Variants in FGF13 observed in about 807,000 individuals in gnomAD.
FGF13 encodes the protein fibroblast growth factor homologous factor 2.
A neutral mutation model predicts 19.5 loss-of-function variants in FGF13; 2 were observed. The ratio of observed to expected loss-of-function variants is 0.10; its 90% confidence interval spans 0.04 to 0.32. The LOEUF is 0.32. Among genes scored for constraint, FGF13 ranks in the 10% least tolerant of loss-of-function variants. The probability of loss-of-function intolerance (pLI) is 1.00; values close to 1 mark genes in which losing one functional copy is unlikely to be tolerated. For synonymous variants in FGF13, 72 were observed against 76.9 expected, an observed-to-expected ratio of 0.94 and a Z score of 0.33; for missense variants, 113 against 192.7, an observed-to-expected ratio of 0.59 and a Z score of 2.45.
chrX:138,749,130 T>G (rs1213731820), intron 3 of FGF13, among the ~76,000 whole-genome samples: 1 of 110,962 alleles, frequency 9.0e-6, no homozygotes, highest in Non-Finnish European at 1.9e-5. Context: ...AGGAGGGATA[T>G]CTCACAGAAC....
At chrX:138,940,087 T>G (rs2091750574) in intron 1 of FGF13, among the ~76,000 whole-genome samples, 1 of 111,683 alleles carries the variant, frequency 9.0e-6, no homozygotes, top group African/African-American at 3.3e-5. Flanking sequence ...ATCTGTTATT[T>G]TTTTACTTTT....
At position 138,685,371 on chromosome X, in the gene FGF13, C is replaced by A. The variant is rs1032419129; in HGVS notation, c.402+17613G>T. On this transcript the variant is annotated intron_variant, in intron 3 of 4. Coordinates refer to ENST00000315930, the MANE Select transcript of FGF13 (RefSeq NM_004114.5). The stretch of plus-strand genomic sequence containing the variant: ...CCAATTAATGGTTTCTTGGCCAGCA[C>A]CCCTAACAAATAAAGGTACTTCATC... 4.5e-5 allele frequency among the ~76,000 whole-genome samples: 5 copies of A among 110,797 alleles called. No homozygotes were observed. In the Admixed American group the frequency reaches 4.8e-4, roughly 11 times the overall value.
chrX:139,119,887 G>T (rs1267210380), intron 1 of FGF13, among the ~76,000 whole-genome samples: 1 of 112,424 alleles, frequency 8.9e-6, no homozygotes, highest in African/African-American at 3.2e-5. Context: ...GAAGGCACTT[G>T]ACAAAGGTCC....
At chrX:138,659,226 T>C (rs375815271) in intron 3 of FGF13, among the ~76,000 whole-genome samples, 11 of 112,149 alleles carry the variant, frequency 9.8e-5, no homozygotes, top group African/African-American at 3.2e-4. Flanking sequence ...TCCCAGCTAC[T>C]CAAGAGGCTG....
At chrX:139,135,953 C>T (rs768589492) in intron 1 of FGF13, among the ~76,000 whole-genome samples, 99 of 111,771 alleles carry the variant, frequency 8.9e-4, no homozygotes, top group African/African-American at 2.8e-3. Context: ...TGAGTTAAAT[C>T]TAAAATTATT....
chrX:138,881,139 C>T (rs1383225030), intron 1 of FGF13, among the ~76,000 whole-genome samples: 1 of 111,621 alleles, frequency 9.0e-6, no homozygotes, highest in South Asian at 3.8e-4. Flanking sequence ...AAGTCTTTTA[C>T]CTCCTTTGTT....
At chrX:138,750,490 G>C (rs762754442) in intron 3 of FGF13, among the ~76,000 whole-genome samples, 13 of 110,565 alleles carry the variant, frequency 1.2e-4, no homozygotes, top group South Asian at 7.7e-4. Flanking sequence ...TTTGTAAATG[G>C]GGGGGTGGGC....
intron 1 of FGF13, among the ~76,000 whole-genome samples, chrX:139,186,975 C>A (rs762228593): frequency 5.3e-5 from 6 of 112,560 alleles, no homozygotes; most frequent in Admixed American, 1.9e-4. Flanking sequence ...GCACTGGTCA[C>A]ACTGTATTTG....
chrX:138,710,671 G>C, intron 1 of FGF13, 146 bp downstream of exon 1: 2 of 1,010,642 alleles, frequency 2.0e-6, no homozygotes, highest in South Asian at 5.0e-5. Flanking sequence ...GAAAGCCAGC[G>C]CCTTCCCACG....
rs752684189 is a variant in FGF13 at position 138,910,912 on chromosome X, C to T, written c.-112-46262G>A. Among the ~76,000 whole-genome samples the T allele has an allele frequency of 4.2e-4, 47 of 111,472 alleles. No homozygotes were observed. In the Admixed American group the frequency reaches 4.3e-3, roughly 10 times the overall value. ...ACTGTGAGGTAAGCAGGTTGTTTGG[C>T]TTTCCTAAACCTATTGGCCTCTATG... On this transcript the variant is annotated intron_variant, in intron 1 of 2. Coordinates refer to the FGF13 transcript ENST00000421460.
At chrX:138,983,604 T>C (rs1472576859) in intron 1 of FGF13, among the ~76,000 whole-genome samples, 2 of 108,815 alleles carry the variant, frequency 1.8e-5, no homozygotes, top group African/African-American at 3.3e-5. Flanking sequence ...GCAGCTGCTA[T>C]GGAAATCAGT....
chrX:138,771,494 T>C (rs999984819), intron 3 of FGF13, among the ~76,000 whole-genome samples: 1 of 111,683 alleles, frequency 9.0e-6, no homozygotes, highest in Non-Finnish European at 1.9e-5. Flanking sequence ...TGTTGTTGTT[T>C]CTCTGAAGTC....
At chrX:139,079,359 C>T (rs982176065) in intron 1 of FGF13, among the ~76,000 whole-genome samples, 5 of 109,425 alleles carry the variant, frequency 4.6e-5, no homozygotes, top group Non-Finnish European at 9.5e-5. Flanking sequence ...ATATGGAGAA[C>T]AAGACAGTTG....
chrX:138,954,897 A>G (rs1329023490), intron 1 of FGF13, among the ~76,000 whole-genome samples: 2 of 112,206 alleles, frequency 1.8e-5, no homozygotes, highest in Non-Finnish European at 3.8e-5. Context: ...TGAATGATGT[A>G]GGAAGTCATA....
chrX:138,720,986 C>T (rs1219684594), intron 1 of FGF13, among the ~76,000 whole-genome samples: 4 of 111,863 alleles, frequency 3.6e-5, no homozygotes, highest in Non-Finnish European at 7.5e-5. Flanking sequence ...TTAAAGAGAT[C>T]GTCTTCTTTT....
At chrX:138,913,638 G>GAGGA (rs747877973) in intron 1 of FGF13, among the ~76,000 whole-genome samples, 2,676 of 61,601 alleles carry the variant, frequency 0.043, 109 homozygotes, top group African/African-American at 0.077. Context: ...AGGAGGGATG[G>GAGGA]AGGAAGGAAG....
chrX:138,849,796 C>A (rs2091210297), intron 3 of FGF13, among the ~76,000 whole-genome samples: 1 of 111,891 alleles, frequency 8.9e-6, no homozygotes, highest in Admixed American at 9.5e-5. Context: ...AGGGGAAGCA[C>A]CCATATGGAT....
chrX:138,982,539 C>T (rs767933027), intron 1 of FGF13, among the ~76,000 whole-genome samples: 1 of 112,144 alleles, frequency 8.9e-6, no homozygotes, highest in Non-Finnish European at 1.9e-5. Flanking sequence ...ATTTCAGTAA[C>T]GCATTTCTGC....
chrX:139,141,702 T>C (rs2083847116), intron 1 of FGF13, among the ~76,000 whole-genome samples: 2 of 112,579 alleles, frequency 1.8e-5, no homozygotes, highest in Admixed American at 9.4e-5. Flanking sequence ...GGTTTGTACA[T>C]CTCCTTTGCA....
Sources: allele counts gnomAD v4.1 joint callset (sites outside exome capture counted in the v4.1 genomes callset), GRCh38; gene constraint gnomAD v4.1.1; transcripts MANE v1.5; gene names NCBI Gene and HGNC (gene_info 2026-07-23, HGNC 2026-07-21).